Variants in OPRD1 observed in about 807,000 individuals in gnomAD.
The protein encoded by OPRD1 is delta-type opioid receptor.
A neutral mutation model predicts 17.5 loss-of-function variants in OPRD1; 19 were observed. That is an observed-to-expected ratio of 1.09 (90% CI 0.76 to 1.60). The LOEUF (loss-of-function observed/expected upper bound fraction) is 1.60. Among genes scored for constraint, OPRD1 ranks in the 40% most tolerant of loss-of-function variants. The probability of loss-of-function intolerance (pLI) is 0.00; values close to 1 mark genes in which losing one functional copy is unlikely to be tolerated. For missense variants in OPRD1, 483 were observed against 547.2 expected (o/e 0.88, Z 1.17); for synonymous variants, 256 against 240.9 (o/e 1.06, Z -0.58).
intron 1 of OPRD1, among the ~76,000 whole-genome samples, chr1:28,849,562 A>C (rs982992853): frequency 2.6e-5 from 4 of 152,234 alleles, no homozygotes; most frequent in African/African-American, 7.2e-5. Flanking sequence ...GCACACGTGC[A>C]CACGCACGGA....
At position 28,869,521 on chromosome 1, in the gene OPRD1, C is replaced by T. The variant is rs2089199993; in HGVS notation, c.*6238C>T. 6.6e-6 allele frequency: 1 copy of T among 152,154 alleles called. No homozygotes were observed. Among genetic ancestry groups the T allele is most frequent in the Non-Finnish European group, 1.5e-5 (1 of 68,062 alleles). The allele number at this position is 152,154 out of a possible 1,614,324, so 9.4% of individuals were successfully genotyped here. On this transcript the variant is annotated 3_prime_UTR_variant, in exon 3 of 3. Transcript: ENST00000234961. ...AATGTACAGCACTTCCATGGCATAA[C>T]TCATTTAATCTTCACAGCATGATGA...
At chr1:28,850,412 C>T (rs1289516309) in intron 1 of OPRD1, among the ~76,000 whole-genome samples, 2 of 152,068 alleles carry the variant, frequency 1.3e-5, no homozygotes, top group Non-Finnish European at 2.9e-5. Flanking sequence ...CAACCTCCAC[C>T]TCCTGGGTTC....
At chr1:28,847,043 T>TTCCCCTTTCCTG (rs1380456623) in intron 1 of OPRD1, among the ~76,000 whole-genome samples, 1 of 61,836 alleles carries the variant, frequency 1.6e-5, no homozygotes, top group Non-Finnish European at 4.2e-5. Flanking sequence ...CCCCTTTCCT[T>TTCCCCTTTCCTG]TCCCCTTTCC....
At chr1:28,860,892 T>C (rs1238199670) in intron 2 of OPRD1, among the ~76,000 whole-genome samples, 1 of 152,136 alleles carries the variant, frequency 6.6e-6, no homozygotes, top group African/African-American at 2.4e-5. Flanking sequence ...CTGTGAGCCA[T>C]TGGCCTTGAC....
Position 28,812,337 on chromosome 1 carries a change from C to T in OPRD1, c.-47C>T. ...GCTCCCCTCGCGTCGGATCCCCGCGCCCAGGGCGCACGGTGGAGAGGGACG... is the reference window on the plus strand; with the variant it reads ...GCTCCCCTCGCGTCGGATCCCCGCGTCCAGGGCGCACGGTGGAGAGGGACG... On this transcript the variant is annotated 5_prime_UTR_variant, in exon 1 of 3. Coordinates refer to ENST00000234961, the MANE Select transcript of OPRD1 (RefSeq NM_000911.4). 1 of 1,245,076 alleles carries T rather than the reference C, an allele frequency of 8.0e-7. No homozygotes were observed. Among genetic ancestry groups the T allele is most frequent in the Non-Finnish European group, 1.0e-6 (1 of 987,220 alleles). The allele number at this position is 1,245,076 out of a possible 1,614,324, so 77.1% of individuals were successfully genotyped here.
intron 1 of OPRD1, among the ~76,000 whole-genome samples, chr1:28,818,783 G>T (rs1187832319): frequency 1.3e-5 from 2 of 152,170 alleles, no homozygotes; most frequent in African/African-American, 2.4e-5. Flanking sequence ...GTTCTCATGG[G>T]GATGGTGAGA....
In OPRD1 at chr1:28,863,050, G is replaced by T; in HGVS notation, c.886G>T (p.Val296Leu). The T allele has an allele frequency of 1.2e-6, 2 of 1,606,406 alleles. No individual in the cohort carries two copies. The highest frequency in any genetic ancestry group is 1.7e-6 in the Non-Finnish European group (2 of 1,176,370). The change falls in exon 3 of 3, where the codon GTG becomes TTG. Residue 296 changes from valine to leucine, a missense_variant. By Grantham distance (32) the Val-to-Leu change is conservative. Coordinates refer to ENST00000234961, the MANE Select transcript of OPRD1 (RefSeq NM_000911.4). ...GGACATCGACCGGCGCGACCCGCTGGTGGTGGCTGCGCTGCACCTGTGCAT... is the reference window on the plus strand; with the variant it reads ...GGACATCGACCGGCGCGACCCGCTGTTGGTGGCTGCGCTGCACCTGTGCAT... ...LVDIDRRDPL[V>L]VAALHLCIAL...
Position 28,839,584 on chromosome 1 carries a change from G to C in OPRD1, c.228-19370G>C, listed in dbSNP as rs146917967. On this transcript the variant is annotated intron_variant, in intron 1 of 2. Transcript: ENST00000234961. Reference sequence around the variant, plus strand: ...CAGTTTGGTTCCTGAGGTACCACAGGGTCAGTGCGACTGGGTGTAGACGTT... The same window carrying C: ...CAGTTTGGTTCCTGAGGTACCACAGCGTCAGTGCGACTGGGTGTAGACGTT... Among the ~76,000 whole-genome samples, 3 of 152,256 alleles carry C rather than the reference G, an allele frequency of 2.0e-5. No homozygotes were observed. In the East Asian group the frequency reaches 5.8e-4, roughly 29 times the overall value.
chr1:28,818,323 C>A (rs1462046710), intron 1 of OPRD1, among the ~76,000 whole-genome samples: 1 of 152,208 alleles, frequency 6.6e-6, no homozygotes, highest in Non-Finnish European at 1.5e-5. Flanking sequence ...ACAGCTTAAA[C>A]CTCCATACGC....
In OPRD1 at chr1:28,824,480, A is replaced by AT. The variant is rs1228750566; in HGVS notation, c.227+11881dup. On this transcript the variant is annotated intron_variant, in intron 1 of 2. Coordinates refer to ENST00000234961, the MANE Select transcript of OPRD1 (RefSeq NM_000911.4). Reference sequence around the variant, plus strand: ...AGGCGCCCGCCACCACACCCGGCTAATTTTTTTTTTTGTATTTTTAGTACA... The same window carrying AT: ...AGGCGCCCGCCACCACACCCGGCTAATTTTTTTTTTTTGTATTTTTAGTACA... Among the ~76,000 whole-genome samples the AT allele has an allele frequency of 5.6e-3, 805 of 144,446 alleles. 4 individuals are homozygous for AT. The highest frequency in any genetic ancestry group is 0.013 in the African/African-American group (519 of 39,554). 94.8% of individuals were successfully genotyped at this position (144,446 alleles called of 152,430 possible). A position where few individuals can be genotyped will look rare whatever the true frequency, so the allele number is the denominator to read the frequency against.
At chr1:28,849,406 C>T (rs1180182691) in intron 1 of OPRD1, among the ~76,000 whole-genome samples, 1 of 152,162 alleles carries the variant, frequency 6.6e-6, no homozygotes, top group East Asian at 1.9e-4. Flanking sequence ...TTGATATTTA[C>T]ATGTGCCTCA....
rs1450276306 is a variant in OPRD1, at chr1:28,870,278, G to T, written c.*6995G>T. 6.9e-6 allele frequency: 1 copy of T among 144,294 alleles called. No homozygotes were observed. Among genetic ancestry groups the T allele is most frequent in the Non-Finnish European group, 1.5e-5 (1 of 66,848 alleles). The allele number at this position is 144,294 out of a possible 1,614,324, so 8.9% of individuals were successfully genotyped here. ...TTTCTTTTTTTTTTTTTAAGACAGA[G>T]TCTCACTCTGTCACCCAGGCTGAAG... On this transcript the variant is annotated 3_prime_UTR_variant, in exon 3 of 3. Coordinates refer to ENST00000234961, the MANE Select transcript of OPRD1 (RefSeq NM_000911.4).
chr1:28,816,709 A>G (rs2088673442), intron 1 of OPRD1, among the ~76,000 whole-genome samples: 1 of 152,110 alleles, frequency 6.6e-6, no homozygotes, highest in South Asian at 2.1e-4. Flanking sequence ...GGGATTGGCC[A>G]GCACGATGAC....
chr1:28,855,297 C>A (rs1367419795), intron 1 of OPRD1, among the ~76,000 whole-genome samples: 2 of 152,102 alleles, frequency 1.3e-5, no homozygotes, highest in African/African-American at 4.8e-5. Flanking sequence ...AGTCCAGAGG[C>A]CCCGAAGTGG....
In OPRD1 at chr1:28,865,342, G is replaced by T. The variant is rs1207762784; in HGVS notation, c.*2059G>T. 2 of 152,060 alleles carry T rather than the reference G, an allele frequency of 1.3e-5. No individual in the cohort carries two copies. 9.4% of individuals were successfully genotyped at this position (152,060 alleles called of 1,614,324 possible). ...CAGATGGAAAGAAATTGACGTCTTT[G>T]TCTCAAACAAAAGAAAAAAGAAAAA... On this transcript the variant is annotated 3_prime_UTR_variant, in exon 3 of 3. Transcript: ENST00000234961.
At chr1:28,847,561 C>T (rs2088964995) in intron 1 of OPRD1, among the ~76,000 whole-genome samples, 1 of 152,168 alleles carries the variant, frequency 6.6e-6, no homozygotes, top group Non-Finnish European at 1.5e-5. Context: ...AGGCTGGGCA[C>T]AATGGCTCAG....
At chr1:28,852,583 T>C (rs969953635) in intron 1 of OPRD1, among the ~76,000 whole-genome samples, 6 of 152,006 alleles carry the variant, frequency 3.9e-5, no homozygotes, top group African/African-American at 1.5e-4. Flanking sequence ...GGCCAGAGAA[T>C]CGTTTGAGCC....
intron 1 of OPRD1, among the ~76,000 whole-genome samples, chr1:28,821,779 C>T (rs1569605111): frequency 6.6e-6 from 1 of 151,972 alleles, no homozygotes; most frequent in East Asian, 1.9e-4. Context: ...GTGGCTCACC[C>T]CCATAATTCC....
chr1:28,838,549 C>T (rs2088872074), intron 1 of OPRD1, among the ~76,000 whole-genome samples: 1 of 152,136 alleles, frequency 6.6e-6, no homozygotes, highest in Non-Finnish European at 1.5e-5. Flanking sequence ...GTCTCACCCC[C>T]ATGGTGGCAG....
Sources: gnomAD v4.1 joint callset for allele counts (sites outside exome capture counted in the v4.1 genomes callset) on GRCh38, gnomAD v4.1.1 for gene constraint, MANE v1.5 for transcripts, NCBI Gene and HGNC (gene_info 2026-07-23, HGNC 2026-07-21) for gene names.